Variants in CFAP299 observed in about 807,000 individuals in gnomAD.
CFAP299 encodes the protein cilia and flagella associated protein 299, also known as cilia- and flagella-associated protein 299.
Under a neutral mutation model 27.0 loss-of-function variants are expected in CFAP299, and 21 were observed. The observed-to-expected ratio is 0.78, with a 90% CI of 0.55 to 1.12. CFAP299 has a LOEUF of 1.12. Ranked by LOEUF, CFAP299 falls within the 50% of genes most tolerant of loss-of-function variation. The pLI is 0.00. For synonymous variants in CFAP299, 104 were observed against 98.1 expected (o/e 1.06, Z -0.36); for missense variants, 310 against 276.6 (o/e 1.12, Z -0.86).
intron 3 of CFAP299, among the ~76,000 whole-genome samples, chr4:80,612,520 T>A (rs2109919063): frequency 6.6e-6 from 1 of 152,228 alleles, no homozygotes; most frequent in East Asian, 1.9e-4. Flanking sequence ...CCCATCCATA[T>A]ATAGGGCTGA....
At chr4:80,934,098 T>C (rs1020170209) in intron 4 of CFAP299, among the ~76,000 whole-genome samples, 6 of 152,106 alleles carry the variant, frequency 3.9e-5, no homozygotes, top group Non-Finnish European at 8.8e-5. Context: ...TTGAAGTGCA[T>C]TCCTTCTGTA....
chr4:80,889,945 C>T (rs1208311995), intron 4 of CFAP299, among the ~76,000 whole-genome samples: 1 of 152,040 alleles, frequency 6.6e-6, no homozygotes, highest in African/African-American at 2.4e-5. Flanking sequence ...TAAGAATCCT[C>T]AAAGAACTAG....
At chr4:80,701,017 G>GC (rs1721441622) in intron 3 of CFAP299, among the ~76,000 whole-genome samples, 3 of 152,066 alleles carry the variant, frequency 2.0e-5, no homozygotes, top group Non-Finnish European at 4.4e-5. Flanking sequence ...AAAGCATGAG[G>GC]TGTAAGAGGC....
At chr4:80,588,930 A>G (rs1024046016) in intron 3 of CFAP299, among the ~76,000 whole-genome samples, 19 of 152,292 alleles carry the variant, frequency 1.2e-4, no homozygotes, top group African/African-American at 3.8e-4. Flanking sequence ...GAGGTTGAAC[A>G]TCTTATCCAG....
rs78848878 is a variant in CFAP299, at chr4:80,627,902, A to G, written c.333+44719A>G. 6.8e-3 allele frequency among the ~76,000 whole-genome samples: 1,029 copies of G among 152,246 alleles called. 13 individuals are homozygous for G. Among genetic ancestry groups the G allele is most frequent in the African/African-American group, 0.024 (988 of 41,576 alleles). On this transcript the variant is annotated intron_variant, in intron 3 of 5. Coordinates refer to ENST00000358105, the MANE Select transcript of CFAP299 (RefSeq NM_152770.3). ...AAGATTTAATATTGTTAACATGTCCATACTACCCAAAGCAAGCTACAGATT... is the reference window on the plus strand; with the variant it reads ...AAGATTTAATATTGTTAACATGTCCGTACTACCCAAAGCAAGCTACAGATT...
At chr4:80,820,605 G>A (rs1286470399) in intron 3 of CFAP299, among the ~76,000 whole-genome samples, 1 of 152,084 alleles carries the variant, frequency 6.6e-6, no homozygotes, top group African/African-American at 2.4e-5. Context: ...AGGCCTCAGA[G>A]GGGATTGTAG....
intron 3 of CFAP299, among the ~76,000 whole-genome samples, chr4:80,820,978 A>G (rs539793481): frequency 6.6e-6 from 1 of 152,334 alleles, no homozygotes; most frequent in Non-Finnish European, 1.5e-5. Flanking sequence ...ATCCTGAACC[A>G]CTGTTAACTT....
intron 5 of CFAP299, among the ~76,000 whole-genome samples, chr4:80,950,113 A>C (rs1036403356): frequency 6.6e-6 from 1 of 152,160 alleles, no homozygotes; most frequent in Non-Finnish European, 1.5e-5. Context: ...GAGAGAGCTC[A>C]CTTTCCCCCA....
intron 3 of CFAP299, among the ~76,000 whole-genome samples, chr4:80,590,495 G>A (rs962574115): frequency 1.3e-5 from 2 of 152,056 alleles, no homozygotes; most frequent in Middle Eastern, 3.4e-3. Context: ...AAAAATAGCC[G>A]GGTGTGGTGG....
intron 2 of CFAP299, among the ~76,000 whole-genome samples, chr4:80,474,248 T>A (rs1247158366): frequency 6.6e-6 from 1 of 152,200 alleles, no homozygotes; most frequent in Non-Finnish European, 1.5e-5. Context: ...GTTGGATTAC[T>A]AACATGACAA....
At chr4:80,703,134 T>G (rs1005924897) in intron 3 of CFAP299, among the ~76,000 whole-genome samples, 12 of 151,902 alleles carry the variant, frequency 7.9e-5, no homozygotes, top group African/African-American at 2.6e-4. Context: ...CTTGCTAAAT[T>G]TTAACCACAG....
At position 80,703,402 on chromosome 4, in the gene CFAP299, C is replaced by A. The variant is rs182827411; in HGVS notation, c.333+120219C>A. On this transcript the variant is annotated intron_variant, in intron 3 of 5. Transcript: ENST00000358105. The stretch of plus-strand genomic sequence containing the variant: ...TTAGTTCTTTTGTGCAGAATACTAG[C>A]ATCTTTCTTGTGACCAAGACTGAAA... 7.9e-5 allele frequency among the ~76,000 whole-genome samples: 12 copies of A among 151,762 alleles called. No homozygotes were observed. The East Asian group carries it at 2.1e-3, about 27-fold the overall frequency.
At chr4:80,602,805 C>T (rs1158189860) in intron 3 of CFAP299, among the ~76,000 whole-genome samples, 2 of 152,098 alleles carry the variant, frequency 1.3e-5, no homozygotes, top group African/African-American at 4.8e-5. Context: ...CTTCTCCTGC[C>T]CTTTGGCCTT....
chr4:80,809,131 G>A (rs1172015266), intron 3 of CFAP299, among the ~76,000 whole-genome samples: 1 of 152,108 alleles, frequency 6.6e-6, no homozygotes, highest in Admixed American at 6.6e-5. Context: ...ATTTATAGCT[G>A]GGGCTATCTA....
At chr4:80,775,937 G>A (rs1395826672) in intron 3 of CFAP299, among the ~76,000 whole-genome samples, 3 of 152,070 alleles carry the variant, frequency 2.0e-5, no homozygotes, top group Non-Finnish European at 1.5e-5. Flanking sequence ...TGCCATTTGA[G>A]GATATTGGCA....
intron 2 of CFAP299, among the ~76,000 whole-genome samples, chr4:80,527,101 C>T (rs1733228171): frequency 1.3e-5 from 2 of 152,064 alleles, no homozygotes; most frequent in Non-Finnish European, 2.9e-5. Context: ...AGAATGCCTC[C>T]TTCGTGCTAA....
chr4:80,414,654 G>T (rs1270319755), intron 2 of CFAP299, among the ~76,000 whole-genome samples: 1 of 152,158 alleles, frequency 6.6e-6, no homozygotes, highest in Non-Finnish European at 1.5e-5. Context: ...ATTCAAGGGG[G>T]CTGCTACGGC....
chr4:80,460,766 C>T (rs554058054), intron 2 of CFAP299, among the ~76,000 whole-genome samples: 1 of 152,272 alleles, frequency 6.6e-6, no homozygotes, highest in Non-Finnish European at 1.5e-5. Flanking sequence ...GAGAAATTCA[C>T]ACGATTATGT....
intron 2 of CFAP299, among the ~76,000 whole-genome samples, chr4:80,453,323 C>T (rs1728985680): frequency 6.6e-6 from 1 of 151,944 alleles, no homozygotes; most frequent in Non-Finnish European, 1.5e-5. Flanking sequence ...TCTGAGTATT[C>T]AGGTAGAGAT....
Sources: gnomAD v4.1 joint callset for allele counts (sites outside exome capture counted in the v4.1 genomes callset) on GRCh38, gnomAD v4.1.1 for gene constraint, MANE v1.5 for transcripts, NCBI Gene and HGNC (gene_info 2026-07-23, HGNC 2026-07-21) for gene names.